The following CLEC12A variants were observed in gnomAD, a reference collection of about 807,000 sequenced individuals.
The protein encoded by CLEC12A is C-type lectin domain family 12 member A, also known as C-type lectin protein CLL-1.
Under a neutral mutation model 26.5 loss-of-function variants are expected in CLEC12A, and 22 were observed. The observed-to-expected ratio is 0.83, with a 90% confidence interval of 0.59 to 1.19. CLEC12A has a LOEUF of 1.19. Among genes scored for constraint, CLEC12A ranks in the 50% most tolerant of loss-of-function variants. CLEC12A has a pLI of 0.00. For synonymous variants in CLEC12A, 119 were observed against 101.9 expected (o/e 1.17, Z -1.01); for missense variants, 353 against 315.6 (o/e 1.12, Z -0.90).
intron 1 of CLEC12A, among the ~76,000 whole-genome samples, chr12:9,976,157 G>C (rs1442239127): frequency 1.3e-5 from 2 of 152,222 alleles, no homozygotes; most frequent in Non-Finnish European, 2.9e-5. Context: ...GCTCCACACA[G>C]AGTCCCCACT....
At chr12:9,966,951 AG>A (rs1323576893), upstream of CLEC12A, among the ~76,000 whole-genome samples, 3 of 144,028 alleles carry the variant, frequency 2.1e-5, no homozygotes, top group African/African-American at 7.8e-5. Flanking sequence ...ATAAAGAAAA[AG>A]GAACATTAAC....
At chr12:9,998,613 T>C (rs187273340), downstream of CLEC12A, among the ~76,000 whole-genome samples, 61 of 126,400 alleles carry the variant, frequency 4.8e-4, 1 homozygote, top group East Asian at 0.012. Context: ...GCTGAAATAT[T>C]ACTTGCTGTT....
the CLEC12A span, among the ~76,000 whole-genome samples, chr12:10,003,013 G>A: frequency 1.3e-5 from 2 of 152,158 alleles, no homozygotes; most frequent in Admixed American, 1.3e-4. Flanking sequence ...GTGTAAAAGA[G>A]AAAGACAACA....
chr12:9,976,334 C>A (rs1387950980), intron 1 of CLEC12A, among the ~76,000 whole-genome samples: 1 of 152,200 alleles, frequency 6.6e-6, no homozygotes, highest in Non-Finnish European at 1.5e-5. Context: ...GCCACAGGAG[C>A]AGAGCTGCCC....
chr12:9,979,067 A>T lies in CLEC12A; in HGVS notation c.190+3A>T. On this transcript the variant is annotated splice_donor_region_variant and intron_variant, in intron 2 of 5. Transcript: ENST00000304361. ...ATTGGGAGTCTTGGCAAGCATGTGTATGTACTGCCCCTGTTTTTGTCAAGA... is the reference window on the plus strand; with the variant it reads ...ATTGGGAGTCTTGGCAAGCATGTGTTTGTACTGCCCCTGTTTTTGTCAAGA... 1 of 1,607,100 alleles carries T rather than the reference A, an allele frequency of 6.2e-7. No individual in the cohort carries two copies. The highest frequency in any genetic ancestry group is 8.5e-7 in the Non-Finnish European group (1 of 1,173,768).
rs1188461932 is a variant in CLEC12A at position 9,984,928 on chromosome 12, TA to T, written c.701del (p.Tyr234LeufsTer13). ...NMYCGYINRL[Y>X]VQYYHCTYKK... The stretch of plus-strand genomic sequence containing the variant: ...GTATTGTGGATATATAAATAGACTA[TA>T]TGTTCAATATTATCACTGCACTTAT... On this transcript the variant is annotated frameshift_variant, in exon 6 of 6. Transcript: ENST00000304361. LOFTEE classifies it low-confidence loss of function (END_TRUNC). 1.5e-5 allele frequency: 23 copies of T among 1,582,878 alleles called. No individual in the cohort carries two copies. Among genetic ancestry groups the T allele is most frequent in the Non-Finnish European group, 2.0e-5 (23 of 1,161,812 alleles).
At chr12:9,962,828 G>A (rs958073031) in intron 1 of CLEC12A, among the ~76,000 whole-genome samples, 1 of 152,190 alleles carries the variant, frequency 6.6e-6, no homozygotes, top group Non-Finnish European at 1.5e-5. Context: ...TTTAGCTTGG[G>A]CTCAGAGGCC....
chr12:9,958,303 C>T (rs1189419813), intron 1 of CLEC12A, among the ~76,000 whole-genome samples: 1 of 152,164 alleles, frequency 6.6e-6, no homozygotes, highest in African/African-American at 2.4e-5. Context: ...CAGATGGGTA[C>T]ATATAATCCG....
At chr12:9,982,153 T>C (rs753346552) in intron 5 of CLEC12A, 24 bp downstream of exon 5, 1 of 1,294,082 alleles carries the variant, frequency 7.7e-7, no homozygotes, top group South Asian at 1.2e-5. Context: ...CTTGTTAGAA[T>C]TTTATAGCTG....
At chr12:9,963,390 A>G (rs1863872203) in intron 1 of CLEC12A, among the ~76,000 whole-genome samples, 1 of 147,186 alleles carries the variant, frequency 6.8e-6, no homozygotes, top group Non-Finnish European at 1.5e-5. Context: ...TTGGAGGACA[A>G]CTGCAGCTAA....
chr12:9,978,998 G>A lies in CLEC12A; in HGVS notation c.124G>A (p.Ala42Thr). Reference sequence around the variant, plus strand: ...AGCTCCCTCTCATGTATGGCGTCCAGCAGCCTTGTTTCTGACTCTTCTGTG... The same window carrying A: ...AGCTCCCTCTCATGTATGGCGTCCAACAGCCTTGTTTCTGACTCTTCTGTG... ...PPAPSHVWRP[A>T]ALFLTLLCLL... The change falls in exon 2 of 6, where the codon GCA becomes ACA. Residue 42 changes from alanine (A) to threonine (T), a missense_variant. Transcript: ENST00000304361. 2.5e-6 allele frequency: 4 copies of A among 1,613,940 alleles called. No individual in the cohort carries two copies. Among genetic ancestry groups the A allele is most frequent in the East Asian group, 2.2e-5 (1 of 44,874 alleles).
the CLEC12A span, among the ~76,000 whole-genome samples, chr12:10,003,301 T>TA: frequency 3.3e-5 from 5 of 151,858 alleles, no homozygotes; most frequent in African/African-American, 9.7e-5. Context: ...AGCTTTTTTT[T>TA]AAAGTTAATA....
At chr12:9,974,476 A>G (rs1372472593) in intron 1 of CLEC12A, among the ~76,000 whole-genome samples, 1 of 152,204 alleles carries the variant, frequency 6.6e-6, no homozygotes, top group African/African-American at 2.4e-5. Flanking sequence ...CCACTTTCAC[A>G]TTTCCATAAG....
At chr12:9,973,213 C>A (rs1238483732) in intron 1 of CLEC12A, among the ~76,000 whole-genome samples, 1 of 152,142 alleles carries the variant, frequency 6.6e-6, no homozygotes, top group East Asian at 1.9e-4. Context: ...ATAGTCCTAG[C>A]ACTTTGAGAG....
In CLEC12A at chr12:9,971,639, T is replaced by C; in HGVS notation, c.43T>C (p.Ser15Pro). The change falls in exon 1 of 6, where the codon TCC (serine) becomes CCC (proline). Residue 15 changes from serine to proline, a missense_variant. Coordinates refer to ENST00000304361, the MANE Select transcript of CLEC12A (RefSeq NM_138337.6). ...VTYADLQFQN[S>P]SEMEKIPEIG... ...TTATGCAGATCTTCAATTCCAGAACTCCAGTGAGATGGAAAAAATCCCAGA... is the reference window on the plus strand; with the variant it reads ...TTATGCAGATCTTCAATTCCAGAACCCCAGTGAGATGGAAAAAATCCCAGA... The C allele has an allele frequency of 6.2e-7, 1 of 1,610,260 alleles. No homozygotes were observed. The highest frequency in any genetic ancestry group is 1.1e-5 in the South Asian group (1 of 90,314).
chr12:9,960,355 G>A (rs1863809310), intron 1 of CLEC12A, among the ~76,000 whole-genome samples: 1 of 152,126 alleles, frequency 6.6e-6, no homozygotes, highest in South Asian at 2.1e-4. Context: ...AATACTTTTT[G>A]GTAGGCTTAG....
At chr12:9,961,501 A>G (rs1290089661) in intron 1 of CLEC12A, among the ~76,000 whole-genome samples, 1 of 152,242 alleles carries the variant, frequency 6.6e-6, no homozygotes, top group Admixed American at 6.5e-5. Context: ...TCCTAGTCAT[A>G]GCATTGCAAC....
At chr12:10,005,362 C>A in the CLEC12A span, among the ~76,000 whole-genome samples, 3 of 152,166 alleles carry the variant, frequency 2.0e-5, no homozygotes, top group African/African-American at 7.2e-5. Flanking sequence ...AGCAGACCCT[C>A]GTTGTGCTCA....
chr12:9,962,213 A>G (rs909490907), intron 1 of CLEC12A, among the ~76,000 whole-genome samples: 1 of 134,332 alleles, frequency 7.4e-6, no homozygotes, highest in Non-Finnish European at 1.6e-5. Context: ...CTGTTATTTT[A>G]TCTTCTTAAA....
Sources: allele counts gnomAD v4.1 joint callset (sites outside exome capture counted in the v4.1 genomes callset), GRCh38; gene constraint gnomAD v4.1.1; transcripts MANE v1.5; gene names NCBI Gene and HGNC (gene_info 2026-07-23, HGNC 2026-07-21).